ZBTB7C: variants seen among roughly 807,000 people sequenced by gnomAD.
ZBTB7C encodes the protein zinc finger and BTB domain-containing protein 7C.
A neutral mutation model predicts 25.7 loss-of-function variants in ZBTB7C; 8 were observed. That is an observed-to-expected ratio of 0.31 (90% CI 0.18 to 0.56). The LOEUF is 0.56. Ranked by LOEUF, ZBTB7C falls within the 20% of genes least tolerant of loss-of-function variation. The pLI is 0.91. For missense variants in ZBTB7C, 824 were observed against 855.2 expected (o/e 0.96, Z 0.46); for synonymous variants, 394 against 369.0 (o/e 1.07, Z -0.78).
chr18:48,037,550 A>T (rs1479144285), intron 4 of ZBTB7C, among the ~76,000 whole-genome samples: 1 of 152,236 alleles, frequency 6.6e-6, no homozygotes, highest in Non-Finnish European at 1.5e-5. Context: ...AACAGGGTGC[A>T]CAGACTGTCC....
chr18:48,229,296 G>A lies in ZBTB7C; in HGVS notation c.-78-43301C>T, dbSNP rs552864938. Reference sequence around the variant, plus strand: ...GCTCTAATCTTCCCTGGCCATGGTTGTGTGGTTTCTAATTATTTTATTCCC... The same window carrying A: ...GCTCTAATCTTCCCTGGCCATGGTTATGTGGTTTCTAATTATTTTATTCCC... On this transcript the variant is annotated intron_variant, in intron 2 of 4. Transcript: ENST00000590800. 2.6e-5 allele frequency among the ~76,000 whole-genome samples: 4 copies of A among 152,262 alleles called. No individual in the cohort carries two copies. The South Asian group carries it at 8.3e-4, about 32-fold the overall frequency.
chr18:48,301,219 C>T (rs189143601), intron 2 of ZBTB7C, among the ~76,000 whole-genome samples: 1 of 152,318 alleles, frequency 6.6e-6, no homozygotes, highest in African/African-American at 2.4e-5. Context: ...AAGGCATGGT[C>T]TGTAATCCCA....
chr18:48,292,581 T>C (rs908076121), intron 2 of ZBTB7C, among the ~76,000 whole-genome samples: 10 of 152,200 alleles, frequency 6.6e-5, no homozygotes, highest in Admixed American at 3.3e-4. Flanking sequence ...ATGCTGTCTA[T>C]GCCTCATGCT....
intron 3 of ZBTB7C, among the ~76,000 whole-genome samples, chr18:48,065,237 T>C (rs1021476533): frequency 8.5e-5 from 13 of 152,176 alleles, no homozygotes; most frequent in Admixed American, 5.2e-4. Context: ...CAGTTTGTGT[T>C]GCTTATTTGC....
rs527823031 is a variant in ZBTB7C at position 48,351,286 on chromosome 18, T to G, written c.-303-12888A>C. On this transcript the variant is annotated intron_variant, in intron 1 of 4. Coordinates refer to ENST00000590800, the MANE Select transcript of ZBTB7C (RefSeq NM_001318841.2). ...ATGAACCCAGGAAGCCCTTGAGGAT[T>G]GCTGCCACTCAAAATCCCCTGGACT... is the stretch of plus-strand genomic sequence containing the variant. 6.6e-5 allele frequency among the ~76,000 whole-genome samples: 10 copies of G among 152,198 alleles called. No homozygotes were observed. The South Asian group carries it at 2.1e-3, about 32-fold the overall frequency.
At chr18:48,380,266 G>GT (rs1316911776) in intron 1 of ZBTB7C, among the ~76,000 whole-genome samples, 1 of 152,130 alleles carries the variant, frequency 6.6e-6, no homozygotes, top group African/African-American at 2.4e-5. Context: ...GTTTGATAGA[G>GT]TTTTTTCCCA....
chr18:48,041,675 T>A, intron 3 of ZBTB7C: 1 of 294,688 alleles, frequency 3.4e-6, no homozygotes, highest in Non-Finnish European at 5.0e-6. Context: ...TTGTGGTATG[T>A]TTTGCTTCCT....
At chr18:48,287,028 A>C (rs184622730) in intron 2 of ZBTB7C, among the ~76,000 whole-genome samples, 5 of 152,170 alleles carry the variant, frequency 3.3e-5, no homozygotes, top group Admixed American at 6.5e-5. Flanking sequence ...AAAACAAAAA[A>C]AACTGACCAG....
At chr18:48,327,752 G>A (rs2046254624) in intron 2 of ZBTB7C, among the ~76,000 whole-genome samples, 1 of 151,426 alleles carries the variant, frequency 6.6e-6, no homozygotes, top group Non-Finnish European at 1.5e-5. Flanking sequence ...CCTTATTGGA[G>A]GAGGAGGGGG....
At chr18:48,391,381 C>T (rs568450868) in intron 1 of ZBTB7C, among the ~76,000 whole-genome samples, 2 of 152,174 alleles carry the variant, frequency 1.3e-5, no homozygotes, top group Non-Finnish European at 2.9e-5. Context: ...GTAACATGTT[C>T]AACTTCAAAT....
intron 2 of ZBTB7C, among the ~76,000 whole-genome samples, chr18:48,220,230 G>C (rs780204133): frequency 9.9e-5 from 15 of 152,190 alleles, no homozygotes; most frequent in Non-Finnish European, 1.9e-4. Flanking sequence ...CCATAGTGCA[G>C]TTGAGATCCT....
chr18:48,412,390 C>A (rs2048387833), upstream of ZBTB7C, among the ~76,000 whole-genome samples: 1 of 152,166 alleles, frequency 6.6e-6, no homozygotes, highest in Admixed American at 6.5e-5. Context: ...TTTCTCATGA[C>A]AACTGTATGC....
intron 3 of ZBTB7C, among the ~76,000 whole-genome samples, chr18:48,175,836 A>G (rs1284235372): frequency 1.3e-5 from 2 of 152,262 alleles, no homozygotes; most frequent in African/African-American, 4.8e-5. Flanking sequence ...AGAGTTCATC[A>G]TTCTATGCAG....
chr18:48,289,131 C>A (rs67780437), intron 2 of ZBTB7C, among the ~76,000 whole-genome samples: 9,378 of 152,240 alleles, frequency 0.062, 330 homozygotes, highest in African/African-American at 0.1. Context: ...AATGGGACTG[C>A]TCACACACTC....
At chr18:48,037,331 A>G (rs891721823) in intron 4 of ZBTB7C, among the ~76,000 whole-genome samples, 3 of 152,212 alleles carry the variant, frequency 2.0e-5, no homozygotes, top group Non-Finnish European at 4.4e-5. Flanking sequence ...ACTGCCTATC[A>G]TCTGGCTGGG....
intron 3 of ZBTB7C, among the ~76,000 whole-genome samples, chr18:48,120,999 C>T (rs1208319832): frequency 6.6e-6 from 1 of 152,188 alleles, no homozygotes; most frequent in Non-Finnish European, 1.5e-5. Flanking sequence ...GGAGTCTCTG[C>T]CAGGACTCCA....
At chr18:48,235,765 T>C (rs1338528232) in intron 2 of ZBTB7C, among the ~76,000 whole-genome samples, 1 of 152,216 alleles carries the variant, frequency 6.6e-6, no homozygotes, top group Admixed American at 6.5e-5. Flanking sequence ...AGATGTCTTC[T>C]AGCTGCCAAA....
chr18:48,323,621 G>T (rs1490107839), intron 2 of ZBTB7C, among the ~76,000 whole-genome samples: 1 of 152,102 alleles, frequency 6.6e-6, no homozygotes, highest in Non-Finnish European at 1.5e-5. Context: ...CAAAATGAGG[G>T]TTCACTGGGG....
chr18:48,320,227 A>G (rs536374139), intron 2 of ZBTB7C, among the ~76,000 whole-genome samples: 1 of 152,290 alleles, frequency 6.6e-6, no homozygotes, highest in African/African-American at 2.4e-5. Flanking sequence ...GCCCTCAGGC[A>G]AGAATGCGCT....
Sources: allele counts gnomAD v4.1 joint callset (sites outside exome capture counted in the v4.1 genomes callset), GRCh38; gene constraint gnomAD v4.1.1; transcripts MANE v1.5; gene names NCBI Gene and HGNC (gene_info 2026-07-23, HGNC 2026-07-21).